PLCL1: variants seen among roughly 807,000 people sequenced by gnomAD.
The protein encoded by PLCL1 is inactive phospholipase C-like protein 1.
In PLCL1, 41 loss-of-function variants were observed where a neutral mutation model predicts 84.4. The ratio of observed to expected loss-of-function variants is 0.49; its 90% CI spans 0.38 to 0.63. The LOEUF (loss-of-function observed/expected upper bound fraction) is 0.63, where lower values mean the gene tolerates loss of function less well. Among genes scored for constraint, PLCL1 ranks in the 30% least tolerant of loss-of-function variants. PLCL1 has a pLI of 0.00. For synonymous variants in PLCL1, 490 were observed against 488.3 expected (o/e 1.00, Z -0.05); for missense variants, 1,206 against 1,367.8 (o/e 0.88, Z 1.87).
intron 1 of PLCL1, among the ~76,000 whole-genome samples, chr2:197,948,964 A>G (rs961098760): frequency 6.6e-6 from 1 of 152,128 alleles, no homozygotes; most frequent in Non-Finnish European, 1.5e-5. Context: ...ATGAGCCAGT[A>G]TAATCTGTGT....
intron 1 of PLCL1, among the ~76,000 whole-genome samples, chr2:197,955,332 G>A (rs921166172): frequency 6.6e-5 from 10 of 151,852 alleles, no homozygotes; most frequent in Admixed American, 5.9e-4. Context: ...TCTGGTGTGA[G>A]TCCAGCCTTG....
chr2:197,890,276 T>G (rs181968305), intron 1 of PLCL1, among the ~76,000 whole-genome samples: 52 of 152,296 alleles, frequency 3.4e-4, no homozygotes, highest in South Asian at 6.2e-4. Flanking sequence ...ATAAGATATT[T>G]AAGGCTATTT....
intron 5 of PLCL1, among the ~76,000 whole-genome samples, chr2:198,106,130 C>T (rs936173014): frequency 3.0e-4 from 46 of 151,930 alleles, no homozygotes; most frequent in African/African-American, 1.0e-3. Flanking sequence ...GGTGAGAAAA[C>T]GGAGGCATTG....
intron 1 of PLCL1, among the ~76,000 whole-genome samples, chr2:198,071,273 T>A (rs894207278): frequency 6.6e-6 from 1 of 152,112 alleles, no homozygotes; most frequent in South Asian, 2.1e-4. Context: ...ACTTACTTTT[T>A]AAAATATCAG....
At chr2:198,054,013 AG>A (rs1415221262) in intron 1 of PLCL1, among the ~76,000 whole-genome samples, 2 of 152,234 alleles carry the variant, frequency 1.3e-5, no homozygotes, top group African/African-American at 4.8e-5. Flanking sequence ...GAAAGAGATC[AG>A]GGGTAGCTAC....
chr2:197,935,671 T>C (rs1054150013), intron 1 of PLCL1, among the ~76,000 whole-genome samples: 4 of 152,090 alleles, frequency 2.6e-5, no homozygotes, highest in African/African-American at 9.7e-5. Context: ...ACCATGCTTA[T>C]TACCGGGGTG....
chr2:198,057,460 A>T (rs1692095707), intron 1 of PLCL1, among the ~76,000 whole-genome samples: 1 of 152,148 alleles, frequency 6.6e-6, no homozygotes. Context: ...AGGTATTGTC[A>T]TGCCCATTTC....
intron 5 of PLCL1, among the ~76,000 whole-genome samples, chr2:198,105,944 A>AAAT (rs1693463992): frequency 6.6e-6 from 1 of 151,960 alleles, no homozygotes; most frequent in Non-Finnish European, 1.5e-5. Flanking sequence ...GAAATGATTT[A>AAAT]GGCAGACAAT....
intron 1 of PLCL1, among the ~76,000 whole-genome samples, chr2:197,888,382 A>G (rs1191158314): frequency 1.3e-5 from 2 of 152,200 alleles, no homozygotes; most frequent in African/African-American, 4.8e-5. Flanking sequence ...TCTACATTAA[A>G]TTAGGTGAAA....
At chr2:197,980,625 A>G (rs901122091) in intron 1 of PLCL1, among the ~76,000 whole-genome samples, 5 of 152,190 alleles carry the variant, frequency 3.3e-5, no homozygotes, top group East Asian at 1.9e-4. Flanking sequence ...TAAATAATGT[A>G]TTGAGCACCT....
At chr2:197,850,031 GACACACAC>G (rs5837563) in intron 1 of PLCL1, among the ~76,000 whole-genome samples, 6,264 of 134,984 alleles carry the variant, frequency 0.046, 142 homozygotes, top group African/African-American at 0.068. Flanking sequence ...GACACACACA[GACACACAC>G]ACACACACAC....
At chr2:197,848,089 A>G (rs1182610480) in intron 1 of PLCL1, among the ~76,000 whole-genome samples, 1 of 152,248 alleles carries the variant, frequency 6.6e-6, no homozygotes, top group Non-Finnish European at 1.5e-5. Context: ...GAATTCTGAT[A>G]AAGCACATAT....
At chr2:197,870,857 C>A (rs898584358) in intron 1 of PLCL1, among the ~76,000 whole-genome samples, 6 of 151,974 alleles carry the variant, frequency 3.9e-5, no homozygotes, top group African/African-American at 1.4e-4. Context: ...ATTCTTACTA[C>A]TGGGGGGAAA....
chr2:197,922,681 G>A (rs1472398824), intron 1 of PLCL1, among the ~76,000 whole-genome samples: 11 of 126,914 alleles, frequency 8.7e-5, no homozygotes, highest in South Asian at 2.7e-4. Context: ...CGGACGGGGC[G>A]GCTGGCTGGG....
chr2:198,014,827 G>A (rs1177240668), intron 1 of PLCL1, among the ~76,000 whole-genome samples: 1 of 151,954 alleles, frequency 6.6e-6, no homozygotes, highest in African/African-American at 2.4e-5. Context: ...GATCTCTAGG[G>A]GGTGTACAGA....
chr2:197,884,550 G>C (rs1687884707), intron 1 of PLCL1, among the ~76,000 whole-genome samples: 1 of 152,166 alleles, frequency 6.6e-6, no homozygotes, highest in African/African-American at 2.4e-5. Flanking sequence ...TGTCAGCCAG[G>C]AATCTCAGAC....
intron 1 of PLCL1, among the ~76,000 whole-genome samples, chr2:198,056,454 T>G (rs1692076207): frequency 6.6e-6 from 1 of 152,214 alleles, no homozygotes. Flanking sequence ...GGATTACATT[T>G]AAGCTATCTC....
intron 1 of PLCL1, among the ~76,000 whole-genome samples, chr2:197,863,979 G>A (rs998452538): frequency 6.6e-6 from 1 of 152,152 alleles, no homozygotes; most frequent in Non-Finnish European, 1.5e-5. Context: ...CATTTGGAAA[G>A]TCCCAGTGCT....
chr2:197,897,185 TCTTCTC>T (rs1246882512), intron 1 of PLCL1, among the ~76,000 whole-genome samples: 59 of 37,274 alleles, frequency 1.6e-3, no homozygotes, highest in East Asian at 2.8e-3. Context: ...TTCTTCTTCT[TCTTCTC>T]CTTCTCCTTC....
Sources: gnomAD v4.1 joint callset for allele counts (sites outside exome capture counted in the v4.1 genomes callset) on GRCh38, gnomAD v4.1.1 for gene constraint, MANE v1.5 for transcripts, NCBI Gene and HGNC (gene_info 2026-07-23, HGNC 2026-07-21) for gene names.